COL6A5: variants seen among roughly 807,000 people sequenced by gnomAD.
COL6A5 encodes collagen type VI alpha 5 chain, also known as collagen alpha-5(VI) chain.
Under a neutral mutation model 65.6 loss-of-function variants are expected in COL6A5, and 48 were observed. That is an observed-to-expected ratio of 0.73 (90% CI 0.58 to 0.93). The LOEUF is 0.93. COL6A5 is among the 40% of genes least tolerant of loss of function. COL6A5 has a pLI of 0.00. For missense variants in COL6A5, 914 were observed against 928.3 expected (o/e 0.98, Z 0.20); for synonymous variants, 291 against 322.8 (o/e 0.90, Z 1.05).
At position 130,421,006 on chromosome 3, in the gene COL6A5, A is replaced by T. The variant is rs866401751; in HGVS notation, c.4951-147A>T. 3.1e-5 allele frequency: 21 copies of T among 667,812 alleles called. No individual in the cohort carries two copies. In the African/African-American group the frequency reaches 3.3e-4, roughly 10 times the overall value. 41.4% of individuals were successfully genotyped at this position (667,812 alleles called of 1,614,324 possible). ...GGGAGTGAGGAAAACACAGCAACAC[A>T]ATGTTCCCAGGGTTCAAGGTCACCA... On this transcript the variant is annotated intron_variant and NMD_transcript_variant, in intron 25 of 41. Coordinates refer to the COL6A5 transcript ENST00000312481.
At chr3:130,361,393 T>G (rs1049619631) in intron 1 of COL6A5, among the ~76,000 whole-genome samples, 1 of 152,104 alleles carries the variant, frequency 6.6e-6, no homozygotes, top group Non-Finnish European at 1.5e-5. Flanking sequence ...TTAAGGTTCA[T>G]GTCTCTTAAT....
intron 25 of COL6A5, among the ~76,000 whole-genome samples, 192 bp from the exon 26 acceptor site, chr3:130,420,961 G>A (rs544608519): frequency 6.6e-6 from 1 of 152,072 alleles, no homozygotes; most frequent in Non-Finnish European, 1.5e-5. Flanking sequence ...GCTGGTCAAA[G>A]AAGTACAGGG....
intron 22 of COL6A5, among the ~76,000 whole-genome samples, chr3:130,415,021 A>G (rs1937296421): frequency 6.6e-6 from 1 of 151,944 alleles, no homozygotes; most frequent in Non-Finnish European, 1.5e-5. Context: ...TACCTCAGAC[A>G]CCCGTGGGTC....
intron 10 of COL6A5, 32 bp from the exon 11 acceptor site, chr3:130,400,999 G>A (rs1289068433): frequency 6.7e-7 from 1 of 1,496,534 alleles, no homozygotes; most frequent in Non-Finnish European, 8.9e-7. Flanking sequence ...CAACCCCTTT[G>A]CTTTATTTAT....
At chr3:130,374,937 A>G (rs148007298) in intron 2 of COL6A5, among the ~76,000 whole-genome samples, 37 of 152,316 alleles carry the variant, frequency 2.4e-4, no homozygotes, top group Non-Finnish European at 5.0e-4. Context: ...TCTTGTAATT[A>G]CTAAAAACAT....
intron 7 of COL6A5, chr3:130,477,012 T>G: frequency 8.9e-7 from 1 of 1,129,602 alleles, no homozygotes; most frequent in Non-Finnish European, 1.3e-6. Context: ...TGAGAATCAC[T>G]GAGTTGTACT....
chr3:130,368,225 A>T (rs888325135), intron 1 of COL6A5, among the ~76,000 whole-genome samples: 9 of 152,190 alleles, frequency 5.9e-5, no homozygotes, highest in Admixed American at 2.6e-4. Context: ...AGTTGCTCAA[A>T]TCAGTGGAGT....
chr3:130,346,359 C>T (rs1934474975), intron 1 of COL6A5, among the ~76,000 whole-genome samples: 2 of 152,152 alleles, frequency 1.3e-5, no homozygotes, highest in Non-Finnish European at 2.9e-5. Flanking sequence ...AGTTTGAGAA[C>T]CATTGCCTTA....
chr3:130,381,066 GA>G lies in COL6A5; in HGVS notation c.1300+1017del, dbSNP rs1430909984. On this transcript the variant is annotated intron_variant and NMD_transcript_variant, in intron 4 of 41. Coordinates refer to the COL6A5 transcript ENST00000312481. ...CAGGCCTCTTCACCTTTTCTTCAAG[GA>G]TGCTCCCAAGAGTTATATGTGCCAT... is the stretch of plus-strand genomic sequence containing the variant. 2.0e-5 allele frequency among the ~76,000 whole-genome samples: 3 copies of G among 152,088 alleles called. No homozygotes were observed. The East Asian group carries it at 5.8e-4, about 29-fold the overall frequency.
At chr3:130,361,228 G>A (rs1221245948) in intron 1 of COL6A5, among the ~76,000 whole-genome samples, 3 of 151,984 alleles carry the variant, frequency 2.0e-5, no homozygotes, top group Admixed American at 2.0e-4. Flanking sequence ...AATCGTCTGT[G>A]CTCCACCTGT....
chr3:130,385,144 C>T (rs1936138952), exon 5 of COL6A5: 3 of 1,550,892 alleles, frequency 1.9e-6, no homozygotes, highest in African/African-American at 1.4e-5. Flanking sequence ...CCTGTTACCT[C>T]ATTGTGTTGA....
intron 4 of COL6A5, among the ~76,000 whole-genome samples, chr3:130,453,196 A>G (rs1709485737): frequency 6.6e-6 from 1 of 152,178 alleles, no homozygotes; most frequent in Admixed American, 6.5e-5. Flanking sequence ...CAGGCATAGG[A>G]AATCACAAGA....
At chr3:130,395,171 A>G in exon 8 of COL6A5, 3 of 1,551,724 alleles carry the variant, frequency 1.9e-6, no homozygotes, top group Non-Finnish European at 2.6e-6. Context: ...TAAAAAAGTG[A>G]GCAATATGTT....
In COL6A5 at chr3:130,397,235, A is replaced by C. The variant is rs375729654; in HGVS notation, c.3569-348A>C. On this transcript the variant is annotated intron_variant and NMD_transcript_variant, in intron 8 of 41. Coordinates refer to the COL6A5 transcript ENST00000312481. The stretch of plus-strand genomic sequence containing the variant: ...ACCATTAAAATGCACGCCCACATGC[A>C]TGCGCACACACATACGACAGAGTCA... 2.6e-5 allele frequency among the ~76,000 whole-genome samples: 4 copies of C among 152,216 alleles called. No homozygotes were observed. The South Asian group carries it at 6.2e-4, about 24-fold the overall frequency.
At chr3:130,421,888 A>G (rs574962782) in intron 27 of COL6A5, among the ~76,000 whole-genome samples, 11 of 152,254 alleles carry the variant, frequency 7.2e-5, no homozygotes, top group Non-Finnish European at 1.2e-4. Flanking sequence ...ATAGAAATCC[A>G]TCTTCATGCT....
intron 3 of COL6A5, among the ~76,000 whole-genome samples, chr3:130,377,814 A>C (rs906780447): frequency 6.6e-5 from 10 of 152,210 alleles, no homozygotes; most frequent in Admixed American, 3.9e-4. Flanking sequence ...CACACTGTTT[A>C]CTATTATTAA....
intron 7 of COL6A5, chr3:130,471,733 T>A: frequency 6.5e-7 from 1 of 1,534,532 alleles, no homozygotes; most frequent in Non-Finnish European, 8.7e-7. Flanking sequence ...ATCTGTTTGA[T>A]GAATTTGATT....
chr3:130,410,666 T>C (rs1937144219), intron 20 of COL6A5, 142 bp downstream of exon 20: 3 of 693,628 alleles, frequency 4.3e-6, no homozygotes, highest in Non-Finnish European at 7.4e-6. Context: ...TACTGAAATT[T>C]GGGGCCAATA....
At chr3:130,421,542 T>C (rs554638516) in intron 27 of COL6A5, among the ~76,000 whole-genome samples, 182 bp downstream of exon 27, 1 of 152,196 alleles carries the variant, frequency 6.6e-6, no homozygotes, top group South Asian at 2.1e-4. Context: ...TTGGAAAAGA[T>C]TGTTCTGTCC....
Sources: allele counts gnomAD v4.1 joint callset (sites outside exome capture counted in the v4.1 genomes callset), GRCh38; gene constraint gnomAD v4.1.1; transcripts MANE v1.5; gene names NCBI Gene and HGNC (gene_info 2026-07-23, HGNC 2026-07-21).